Variants in PCP4 observed in about 807,000 individuals in gnomAD.
PCP4 encodes Purkinje cell protein 4.
A neutral mutation model predicts 10.0 loss-of-function variants in PCP4; 8 were observed. The ratio of observed to expected loss-of-function variants is 0.80; its 90% CI spans 0.47 to 1.45. The LOEUF is 1.45. Among genes scored for constraint, PCP4 ranks in the 40% most tolerant of loss-of-function variants. PCP4 has a pLI of 0.00. For synonymous variants in PCP4, 21 were observed against 23.0 expected, an observed-to-expected ratio of 0.91 and a Z score of 0.24; for missense variants, 54 against 74.4, an observed-to-expected ratio of 0.73 and a Z score of 1.01.
At position 39,888,222 on chromosome 21, in the gene PCP4, A is replaced by G. The variant is rs538474999; in HGVS notation, c.10-10254A>G. Among the ~76,000 whole-genome samples the G allele has an allele frequency of 2.2e-4, 34 of 152,378 alleles. 2 individuals are homozygous for G. In the South Asian group the frequency reaches 3.7e-3, roughly 17 times the overall value. The stretch of plus-strand genomic sequence containing the variant: ...TAACAAGAGCTTTCAAGCCACCATG[A>G]GAACGAGATGGATTTATTTTCCTTC... On this transcript the variant is annotated intron_variant, in intron 1 of 2. Coordinates refer to ENST00000328619, the MANE Select transcript of PCP4 (RefSeq NM_006198.3).
chr21:39,879,873 T>A (rs1229311912), intron 1 of PCP4, among the ~76,000 whole-genome samples: 2 of 152,144 alleles, frequency 1.3e-5, no homozygotes, highest in Non-Finnish European at 2.9e-5. Flanking sequence ...ACGATGCCCC[T>A]TGTTAAACAT....
At chr21:39,899,401 C>A (rs938507680) in intron 2 of PCP4, among the ~76,000 whole-genome samples, 2 of 152,148 alleles carry the variant, frequency 1.3e-5, no homozygotes, top group African/African-American at 4.8e-5. Context: ...TAGTGTCCAT[C>A]AATCAGATTG....
intron 2 of PCP4, among the ~76,000 whole-genome samples, chr21:39,928,192 G>A (rs1267507475): frequency 2.6e-5 from 4 of 152,030 alleles, no homozygotes; most frequent in African/African-American, 4.8e-5. Context: ...TGAACACGCC[G>A]GGTCTCATCA....
chr21:39,871,520 C>G (rs1193262277), intron 1 of PCP4, among the ~76,000 whole-genome samples: 1 of 152,170 alleles, frequency 6.6e-6, no homozygotes, highest in East Asian at 1.9e-4. Flanking sequence ...TAATTATAAC[C>G]CCATTTGAGG....
intron 1 of PCP4, among the ~76,000 whole-genome samples, chr21:39,877,841 T>A (rs2146326499): frequency 6.6e-6 from 1 of 152,366 alleles, no homozygotes; most frequent in South Asian, 2.1e-4. Flanking sequence ...TTCCTAGTGC[T>A]CTGTTTGAAT....
At chr21:39,922,822 C>A (rs1183739814) in intron 2 of PCP4, among the ~76,000 whole-genome samples, 1 of 152,180 alleles carries the variant, frequency 6.6e-6, no homozygotes, top group Non-Finnish European at 1.5e-5. Flanking sequence ...TTGTCACTTC[C>A]TTTGAGGTGA....
chr21:39,917,114 C>A (rs958160918), intron 2 of PCP4, among the ~76,000 whole-genome samples: 2 of 152,184 alleles, frequency 1.3e-5, no homozygotes, highest in African/African-American at 4.8e-5. Flanking sequence ...AAAAAAAATT[C>A]TGGGAGGCAG....
chr21:39,920,093 G>A (rs1201824676), intron 2 of PCP4, among the ~76,000 whole-genome samples: 1 of 144,658 alleles, frequency 6.9e-6, no homozygotes, highest in Non-Finnish European at 1.5e-5. Context: ...TGTGTGATGT[G>A]TGTGTGTGTT....
intron 2 of PCP4, among the ~76,000 whole-genome samples, chr21:39,905,309 C>T (rs961703378): frequency 1.3e-5 from 2 of 152,050 alleles, no homozygotes; most frequent in African/African-American, 4.8e-5. Context: ...GTCCTTTGTG[C>T]TTTCGGCTCC....
intron 2 of PCP4, chr21:39,916,099 C>T (rs1271223033): frequency 1.3e-5 from 2 of 152,060 alleles, no homozygotes; most frequent in African/African-American, 2.4e-5. Flanking sequence ...TGTGGCTTTT[C>T]TGTGGTTTGC....
chr21:39,914,539 C>T lies in PCP4; in HGVS notation c.62-14445C>T, dbSNP rs377386086. Among the ~76,000 whole-genome samples, 203 of 140,762 alleles carry T rather than the reference C, an allele frequency of 1.4e-3. 5 individuals are homozygous for T. In the South Asian group the frequency reaches 0.041, roughly 28 times the overall value. The allele number at this position is 140,762 out of a possible 152,430, so 92.3% of individuals were successfully genotyped here. On this transcript the variant is annotated intron_variant, in intron 2 of 2. Coordinates refer to ENST00000328619, the MANE Select transcript of PCP4 (RefSeq NM_006198.3). ...GAGGTTGCAGTGAGCCGAGATCATG[C>T]CACTGCACTCCAGCCTGGGTGACAG...
intron 2 of PCP4, among the ~76,000 whole-genome samples, chr21:39,927,380 CT>C (rs536927776): frequency 3.9e-4 from 59 of 150,594 alleles, no homozygotes; most frequent in African/African-American, 1.2e-3. Flanking sequence ...ATCTATCTAT[CT>C]ATCTATCTAT....
At chr21:39,892,192 A>G (rs1337440047) in intron 1 of PCP4, among the ~76,000 whole-genome samples, 2 of 152,204 alleles carry the variant, frequency 1.3e-5, no homozygotes. Flanking sequence ...CTTCTAGGTC[A>G]CTTCTCACAA....
At chr21:39,907,389 C>A (rs1041906028) in intron 2 of PCP4, among the ~76,000 whole-genome samples, 1 of 152,040 alleles carries the variant, frequency 6.6e-6, no homozygotes, top group African/African-American at 2.4e-5. Context: ...AGATGCAGAC[C>A]CAGAAAAGGA....
chr21:39,884,481 C>T (rs2087390596), intron 1 of PCP4, among the ~76,000 whole-genome samples: 1 of 151,804 alleles, frequency 6.6e-6, no homozygotes, highest in African/African-American at 2.4e-5. Flanking sequence ...ACCCAGCTGA[C>T]ATGCAGTCTT....
At chr21:39,868,018 G>C (rs182692222) in intron 1 of PCP4, among the ~76,000 whole-genome samples, 357 of 152,294 alleles carry the variant, frequency 2.3e-3, no homozygotes, top group Non-Finnish European at 1.1e-3. Flanking sequence ...AATGCAAAAA[G>C]TAGTAGGAAC....
At chr21:39,881,226 T>C (rs741791) in intron 1 of PCP4, among the ~76,000 whole-genome samples, 6,320 of 152,198 alleles carry the variant, frequency 0.042, 463 homozygotes, top group African/African-American at 0.14. Context: ...TAGTTGAATG[T>C]TGGGGGGAGA....
chr21:39,901,600 G>A (rs1157849357), intron 2 of PCP4, among the ~76,000 whole-genome samples: 4 of 152,192 alleles, frequency 2.6e-5, no homozygotes, highest in Non-Finnish European at 5.9e-5. Flanking sequence ...GAAACTGAGT[G>A]AGGTTTTTTA....
chr21:39,919,829 T>C (rs1212045204), intron 2 of PCP4, among the ~76,000 whole-genome samples: 1 of 151,258 alleles, frequency 6.6e-6, no homozygotes, highest in African/African-American at 2.4e-5. Context: ...GGTATGTTTG[T>C]GTGTTTTGTG....
Sources: allele counts gnomAD v4.1 joint callset (sites outside exome capture counted in the v4.1 genomes callset), GRCh38; gene constraint gnomAD v4.1.1; transcripts MANE v1.5; gene names NCBI Gene and HGNC (gene_info 2026-07-23, HGNC 2026-07-21).